The following SCFD2 variants were observed in gnomAD, a reference collection of about 807,000 sequenced individuals.
The protein encoded by SCFD2 is sec1 family domain-containing protein 2.
In SCFD2, 54 loss-of-function variants were observed where a neutral mutation model predicts 58.9. That is an observed-to-expected ratio of 0.92 (90% CI 0.74 to 1.15). SCFD2 has a LOEUF of 1.15. Among genes scored for constraint, SCFD2 ranks in the 50% most tolerant of loss-of-function variants. The pLI is 0.00. For synonymous variants in SCFD2, 321 were observed against 335.9 expected, an observed-to-expected ratio of 0.96 and a Z score of 0.49; for missense variants, 805 against 836.6, an observed-to-expected ratio of 0.96 and a Z score of 0.47.
At chr4:53,157,919 A>G (rs1378659840) in intron 4 of SCFD2, among the ~76,000 whole-genome samples, 1 of 152,224 alleles carries the variant, frequency 6.6e-6, no homozygotes, top group Non-Finnish European at 1.5e-5. Context: ...CCTGGATCAG[A>G]GCTTCTCAAA....
chr4:52,900,075 C>G (rs996139722), intron 7 of SCFD2, among the ~76,000 whole-genome samples: 15 of 152,106 alleles, frequency 9.9e-5, no homozygotes, highest in African/African-American at 2.9e-4. Flanking sequence ...AAGTTTTTAA[C>G]TGCTTTGCCA....
At chr4:52,955,297 C>T (rs1278304470) in intron 5 of SCFD2, among the ~76,000 whole-genome samples, 2 of 152,188 alleles carry the variant, frequency 1.3e-5, no homozygotes, top group African/African-American at 4.8e-5. Context: ...CACCTTTGGT[C>T]TTCTTGCTAC....
intron 5 of SCFD2, among the ~76,000 whole-genome samples, chr4:53,041,284 T>G (rs1242740081): frequency 1.3e-5 from 2 of 152,184 alleles, no homozygotes; most frequent in Non-Finnish European, 2.9e-5. Context: ...TGATACAGTT[T>G]CACTGATGGT....
chr4:53,152,781 A>G (rs1001185449), intron 4 of SCFD2, among the ~76,000 whole-genome samples: 10 of 152,188 alleles, frequency 6.6e-5, no homozygotes, highest in Non-Finnish European at 2.9e-5. Context: ...TCCAAGATAC[A>G]ATGGTGGTAT....
chr4:53,001,165 T>C (rs181122439), intron 5 of SCFD2, among the ~76,000 whole-genome samples: 1 of 152,334 alleles, frequency 6.6e-6, no homozygotes, highest in African/African-American at 2.4e-5. Context: ...GGCTGTTTAG[T>C]GCTCATGTTG....
intron 5 of SCFD2, among the ~76,000 whole-genome samples, chr4:53,126,317 A>G (rs1725626043): frequency 6.6e-6 from 1 of 152,178 alleles, no homozygotes; most frequent in Non-Finnish European, 1.5e-5. Context: ...GCGTTAAGTT[A>G]CATCACATTG....
chr4:53,335,937 C>G (rs1012423003), intron 2 of SCFD2, among the ~76,000 whole-genome samples: 17 of 152,132 alleles, frequency 1.1e-4, no homozygotes, highest in Non-Finnish European at 1.9e-4. Flanking sequence ...ATTAAAAATG[C>G]TCTGAGTAAT....
intron 1 of SCFD2, among the ~76,000 whole-genome samples, chr4:53,352,976 G>T (rs1424401023): frequency 6.6e-6 from 1 of 152,184 alleles, no homozygotes; most frequent in Admixed American, 6.5e-5. Flanking sequence ...GCTCCATGAG[G>T]GCAGAACTCA....
At chr4:52,997,481 TG>T (rs1721769764) in intron 5 of SCFD2, among the ~76,000 whole-genome samples, 1 of 152,178 alleles carries the variant, frequency 6.6e-6, no homozygotes, top group African/African-American at 2.4e-5. Flanking sequence ...CTCCTACTTG[TG>T]GGGGGCCCAC....
At chr4:53,103,795 T>C (rs1275598472) in intron 5 of SCFD2, among the ~76,000 whole-genome samples, 2 of 50,244 alleles carry the variant, frequency 4.0e-5, no homozygotes, top group Non-Finnish European at 8.4e-5. Context: ...AAAAAAGGCA[T>C]GGGGTAGGGG....
chr4:53,004,821 G>A (rs1448031347), intron 5 of SCFD2, among the ~76,000 whole-genome samples: 1 of 152,128 alleles, frequency 6.6e-6, no homozygotes, highest in African/African-American at 2.4e-5. Flanking sequence ...GCTTATGGTT[G>A]GGGGTATTTT....
At chr4:52,875,802 CTATATATATATATATATATATA>C (rs3052566) in intron 8 of SCFD2, among the ~76,000 whole-genome samples, 3,319 of 61,248 alleles carry the variant, frequency 0.054, 137 homozygotes, top group African/African-American at 0.08. Context: ...TTATCTTTAA[CTATATATATATATATATATATA>C]TATATATATA....
chr4:53,277,857 C>A (rs1458738462), intron 3 of SCFD2, among the ~76,000 whole-genome samples: 1 of 149,800 alleles, frequency 6.7e-6, no homozygotes, highest in South Asian at 2.1e-4. Flanking sequence ...TGGAGACCAT[C>A]CTGGCTAACA....
chr4:53,311,687 G>A (rs1732696323), intron 3 of SCFD2, among the ~76,000 whole-genome samples: 1 of 151,492 alleles, frequency 6.6e-6, no homozygotes, highest in African/African-American at 2.4e-5. Context: ...CCAGGCTGGA[G>A]TGCAGTGGCG....
At chr4:52,954,316 T>C (rs1281131833) in intron 5 of SCFD2, among the ~76,000 whole-genome samples, 2 of 152,114 alleles carry the variant, frequency 1.3e-5, no homozygotes, top group African/African-American at 4.8e-5. Context: ...TATTCTTCTA[T>C]CAAGTATGTC....
At chr4:53,089,187 G>A (rs1724401588) in intron 5 of SCFD2, among the ~76,000 whole-genome samples, 1 of 152,126 alleles carries the variant, frequency 6.6e-6, no homozygotes, top group African/African-American at 2.4e-5. Flanking sequence ...AGTTCCAACA[G>A]ACTAAGGCAA....
intron 5 of SCFD2, among the ~76,000 whole-genome samples, chr4:52,938,376 A>C (rs1011092034): frequency 1.3e-5 from 2 of 152,212 alleles, no homozygotes; most frequent in African/African-American, 4.8e-5. Flanking sequence ...TTATGTTTTT[A>C]CTATTGCAGG....
intron 4 of SCFD2, among the ~76,000 whole-genome samples, chr4:53,239,402 G>C (rs1313766715): frequency 7.4e-6 from 1 of 135,396 alleles, no homozygotes. Context: ...GAGAGTGAGA[G>C]GGAGAGGGAG....
chr4:52,998,845 A>T (rs1215303939), intron 5 of SCFD2, among the ~76,000 whole-genome samples: 1 of 152,208 alleles, frequency 6.6e-6, no homozygotes, highest in Non-Finnish European at 1.5e-5. Context: ...GTATGCCATT[A>T]ACACACTGTT....
Sources: gnomAD v4.1 joint callset for allele counts (sites outside exome capture counted in the v4.1 genomes callset) on GRCh38, gnomAD v4.1.1 for gene constraint, MANE v1.5 for transcripts, NCBI Gene and HGNC (gene_info 2026-07-23, HGNC 2026-07-21) for gene names.